The following CSMD1 variants were observed in gnomAD, a reference collection of about 807,000 sequenced individuals.
CSMD1 encodes the protein CUB and sushi domain-containing protein 1.
Under a neutral mutation model 417.5 loss-of-function variants are expected in CSMD1, and 213 were observed. The observed-to-expected ratio is 0.51, with a 90% CI of 0.46 to 0.57. The LOEUF (loss-of-function observed/expected upper bound fraction) is 0.57. CSMD1 is among the 20% of genes least tolerant of loss of function. CSMD1 has a pLI of 0.00. For missense variants in CSMD1, 6,923 were observed against 4,529.7 expected, an observed-to-expected ratio of 1.53 and a Z score of -15.17; for synonymous variants, 2,862 against 1,736.8, an observed-to-expected ratio of 1.65 and a Z score of -16.11.
chr8:3,434,697 T>C (rs541269266), intron 12 of CSMD1, among the ~76,000 whole-genome samples: 5 of 152,290 alleles, frequency 3.3e-5, no homozygotes, highest in East Asian at 3.9e-4. Context: ...TCCTGCCCCA[T>C]AGACTTCATT....
intron 10 of CSMD1, among the ~76,000 whole-genome samples, chr8:3,546,516 CAG>C (rs1274203962): frequency 1.3e-5 from 2 of 149,344 alleles, no homozygotes; most frequent in African/African-American, 2.5e-5. Context: ...AGCCTGGTGA[CAG>C]AGTGAGACTC....
intron 2 of CSMD1, among the ~76,000 whole-genome samples, chr8:4,594,195 C>CTTTTTTTTTTTTT (rs771415822): frequency 1.7e-4 from 16 of 92,374 alleles, no homozygotes; most frequent in Non-Finnish European, 2.7e-4. Flanking sequence ...CTAAAGTGAT[C>CTTTTTTTTTTTTT]TTTTTTTTTT....
intron 1 of CSMD1, among the ~76,000 whole-genome samples, chr8:4,684,192 T>C (rs938607677): frequency 2.6e-5 from 4 of 152,248 alleles, no homozygotes; most frequent in African/African-American, 4.8e-5. Flanking sequence ...AGGTTATTTA[T>C]GAATAAGGAC....
chr8:4,891,464 G>A (rs957949899), intron 1 of CSMD1, among the ~76,000 whole-genome samples: 1 of 152,164 alleles, frequency 6.6e-6, no homozygotes, highest in African/African-American at 2.4e-5. Context: ...AGTTTACAAT[G>A]TTTTTCTTAA....
intron 5 of CSMD1, among the ~76,000 whole-genome samples, chr8:3,918,559 G>C (rs1042671435): frequency 2.0e-5 from 3 of 152,024 alleles, no homozygotes; most frequent in Non-Finnish European, 2.9e-5. Context: ...TGAAGTATAT[G>C]CATTTCTTAT....
At chr8:3,907,878 C>G (rs759861843) in intron 5 of CSMD1, among the ~76,000 whole-genome samples, 7 of 152,188 alleles carry the variant, frequency 4.6e-5, no homozygotes, top group South Asian at 4.1e-4. Flanking sequence ...AACTTTCTCT[C>G]TTCTTGAGAA....
Position 2,966,621 on chromosome 8 carries a change from G to T in CSMD1, c.9049C>A (p.Arg3017=). Residue 3017 remains arginine (R), a synonymous_variant, in exon 58 of 70, where the codon CGG becomes AGG. Coordinates refer to ENST00000635120, the MANE Select transcript of CSMD1 (RefSeq NM_033225.6). ...CAGGTCCCATTGGCTGTGCAATGCC[G>T]TGTCATGAGCCCTGAGGTCTTGTAG... ...EGYKTSGLMT[R]HCTANGTWTG... The T allele has an allele frequency of 1.2e-6, 2 of 1,613,646 alleles. No homozygotes were observed. The highest frequency in any genetic ancestry group is 1.7e-6 in the Non-Finnish European group (2 of 1,179,742).
chr8:3,664,701 C>T (rs1054614900), intron 7 of CSMD1, among the ~76,000 whole-genome samples: 1 of 152,186 alleles, frequency 6.6e-6, no homozygotes, highest in Non-Finnish European at 1.5e-5. Context: ...GCTGGCCCAT[C>T]ATCTTATCGG....
chr8:4,383,471 C>T (rs1320363620), intron 3 of CSMD1, among the ~76,000 whole-genome samples: 1 of 152,152 alleles, frequency 6.6e-6, no homozygotes, highest in Non-Finnish European at 1.5e-5. Context: ...ATACTTCATA[C>T]ACAGTGATCT....
intron 12 of CSMD1, among the ~76,000 whole-genome samples, chr8:3,466,757 A>G (rs1816813728): frequency 6.6e-6 from 1 of 151,920 alleles, no homozygotes; most frequent in African/African-American, 2.4e-5. Context: ...TTTATGAATA[A>G]CTTTGCTTTG....
intron 7 of CSMD1, chr8:3,704,891 C>G (rs1801080403): frequency 6.6e-6 from 1 of 152,234 alleles, no homozygotes; most frequent in African/African-American, 2.4e-5. Flanking sequence ...TAATAATGAA[C>G]AGGACTTTGG....
chr8:3,138,827 A>G (rs527871538), intron 41 of CSMD1, among the ~76,000 whole-genome samples: 1 of 152,358 alleles, frequency 6.6e-6, no homozygotes, highest in Non-Finnish European at 1.5e-5. Flanking sequence ...AGATCCTTAT[A>G]GATGTTGAAC....
chr8:3,662,865 C>T (rs1423770010), intron 7 of CSMD1, among the ~76,000 whole-genome samples: 2 of 152,062 alleles, frequency 1.3e-5, no homozygotes, highest in East Asian at 3.9e-4. Flanking sequence ...GGGGGGAGAG[C>T]ATTAGGACAA....
chr8:4,034,076 G>A (rs761611051), intron 3 of CSMD1, among the ~76,000 whole-genome samples: 6 of 152,216 alleles, frequency 3.9e-5, no homozygotes, highest in African/African-American at 1.2e-4. Flanking sequence ...TCTTTGCATC[G>A]GCATGGGGGT....
intron 2 of CSMD1, among the ~76,000 whole-genome samples, chr8:4,511,369 G>A (rs73496676): frequency 0.014 from 2,102 of 152,204 alleles, 60 homozygotes; most frequent in African/African-American, 0.048. Flanking sequence ...CTTCTCCTTC[G>A]CAGGAGAATA....
At chr8:3,613,323 T>C (rs962194118) in intron 8 of CSMD1, 2 of 421,338 alleles carry the variant, frequency 4.7e-6, no homozygotes, top group East Asian at 1.6e-4. Flanking sequence ...TGGTGAATTA[T>C]TCCAAACATT....
At chr8:4,329,016 A>G (rs906327007) in intron 3 of CSMD1, among the ~76,000 whole-genome samples, 5 of 152,172 alleles carry the variant, frequency 3.3e-5, no homozygotes, top group African/African-American at 1.2e-4. Flanking sequence ...TGGGCTTCCA[A>G]CATCAATCTT....
rs1158574563 is a variant in CSMD1 at position 4,924,946 on chromosome 8, T to C, written c.85+69386A>G. On this transcript the variant is annotated intron_variant, in intron 1 of 69. Transcript: ENST00000635120. ...AAATCCCGTCTCTTTTTCTGTATTA[T>C]GCAACGGAAGAATCTTTGCATCCAC... Among the ~76,000 whole-genome samples the C allele has an allele frequency of 4.6e-5, 7 of 152,138 alleles. No individual in the cohort carries two copies. In the East Asian group the frequency reaches 5.8e-4, roughly 13 times the overall value.
At chr8:3,108,814 T>C in intron 43 of CSMD1, 66 bp from the exon 44 acceptor site, 15 of 1,468,090 alleles carry the variant, frequency 1.0e-5, no homozygotes, top group Non-Finnish European at 1.3e-5. Flanking sequence ...TATGGAAACT[T>C]TGGCTAATGA....
Sources: allele counts gnomAD v4.1 joint callset (sites outside exome capture counted in the v4.1 genomes callset), GRCh38; gene constraint gnomAD v4.1.1; transcripts MANE v1.5; gene names NCBI Gene and HGNC (gene_info 2026-07-23, HGNC 2026-07-21).